The following SAMD12 variants were observed in gnomAD, a reference collection of about 807,000 sequenced individuals.
SAMD12 encodes sterile alpha motif domain containing 12.
SAMD12 carries 9 observed loss-of-function variants against 15.0 expected under a neutral mutation model. That is an observed-to-expected ratio of 0.60 (90% CI 0.36 to 1.05). SAMD12 has a LOEUF of 1.05. Ranked by LOEUF, SAMD12 falls within the 50% of genes least tolerant of loss-of-function variation. The pLI is 0.01. For missense variants in SAMD12, 230 were observed against 234.2 expected, an observed-to-expected ratio of 0.98 and a Z score of 0.12; for synonymous variants, 86 against 90.1, an observed-to-expected ratio of 0.96 and a Z score of 0.25.
At chr8:118,441,278 T>C (rs1822754309) in intron 2 of SAMD12, among the ~76,000 whole-genome samples, 1 of 152,240 alleles carries the variant, frequency 6.6e-6, no homozygotes, top group Admixed American at 6.5e-5. Flanking sequence ...TTTTATTTTC[T>C]GTGGCAATAT....
At chr8:118,466,237 C>A (rs984918700) in intron 2 of SAMD12, among the ~76,000 whole-genome samples, 11 of 152,160 alleles carry the variant, frequency 7.2e-5, no homozygotes, top group Admixed American at 6.5e-4. Context: ...TTGAACCAGG[C>A]CAGTCAGCTG....
chr8:118,277,035 G>A (rs778662391), intron 4 of SAMD12, among the ~76,000 whole-genome samples: 1 of 151,854 alleles, frequency 6.6e-6, no homozygotes, highest in African/African-American at 2.4e-5. Context: ...TTTTCCACAA[G>A]CTTAGGAATT....
intron 4 of SAMD12, among the ~76,000 whole-genome samples, chr8:118,246,538 T>G (rs543177211): frequency 1.4e-4 from 22 of 152,264 alleles, no homozygotes; most frequent in African/African-American, 4.6e-4. Flanking sequence ...TAAATCAAAC[T>G]GTACTTTAAA....
At chr8:118,573,794 CAT>C (rs778930328) in intron 2 of SAMD12, among the ~76,000 whole-genome samples, 7 of 152,202 alleles carry the variant, frequency 4.6e-5, no homozygotes, top group African/African-American at 1.7e-4. Flanking sequence ...AGGCAAGAGA[CAT>C]AAACCCAGAG....
At chr8:118,615,126 C>T (rs1052432932) in intron 1 of SAMD12, among the ~76,000 whole-genome samples, 1 of 152,242 alleles carries the variant, frequency 6.6e-6, no homozygotes, top group Middle Eastern at 3.4e-3. Flanking sequence ...GCTAAACTAC[C>T]ACATCCCTGG....
intron 2 of SAMD12, among the ~76,000 whole-genome samples, chr8:118,525,770 G>A (rs917938967): frequency 2.0e-5 from 3 of 152,100 alleles, no homozygotes; most frequent in Non-Finnish European, 2.9e-5. Flanking sequence ...AACCTCTTCT[G>A]TACTCCTAAA....
chr8:118,450,550 A>C lies in SAMD12; in HGVS notation c.193-10589T>G, dbSNP rs560221926. Among the ~76,000 whole-genome samples the C allele has an allele frequency of 2.6e-4, 40 of 152,350 alleles. No individual in the cohort carries two copies. In the South Asian group the frequency reaches 8.1e-3, roughly 31 times the overall value. On this transcript the variant is annotated intron_variant, in intron 2 of 3. Transcript: ENST00000314727. The stretch of plus-strand genomic sequence containing the variant: ...AATGTTCGATGAATGAAAGCATGAC[A>C]AAAGCAAAGATGAAAACAAAAACGA...
At chr8:118,431,022 T>A (rs1822387300) in intron 3 of SAMD12, among the ~76,000 whole-genome samples, 1 of 152,194 alleles carries the variant, frequency 6.6e-6, no homozygotes, top group Non-Finnish European at 1.5e-5. Flanking sequence ...TTTTATCTTC[T>A]CAACACATTA....
intron 2 of SAMD12, among the ~76,000 whole-genome samples, chr8:118,478,529 A>T (rs1225984514): frequency 6.6e-6 from 1 of 152,246 alleles, no homozygotes; most frequent in Admixed American, 6.5e-5. Context: ...AGCACATTAG[A>T]TATAGTAAAT....
intron 2 of SAMD12, among the ~76,000 whole-genome samples, chr8:118,457,302 C>T (rs1455356167): frequency 1.3e-5 from 2 of 151,126 alleles, no homozygotes; most frequent in Non-Finnish European, 2.9e-5. Flanking sequence ...ATGATCATCG[C>T]TCACTGCAGC....
chr8:118,487,139 G>C (rs1824313416), intron 2 of SAMD12, among the ~76,000 whole-genome samples: 1 of 152,150 alleles, frequency 6.6e-6, no homozygotes, highest in Non-Finnish European at 1.5e-5. Context: ...TGTTCATAAA[G>C]GACCTAGGGC....
At chr8:118,234,335 A>G (rs1812381411) in intron 4 of SAMD12, among the ~76,000 whole-genome samples, 1 of 152,138 alleles carries the variant, frequency 6.6e-6, no homozygotes, top group Middle Eastern at 3.2e-3. Flanking sequence ...AATATTTATC[A>G]TCATCTGAAA....
intron 4 of SAMD12, among the ~76,000 whole-genome samples, chr8:118,204,279 T>C (rs932976845): frequency 1.3e-5 from 2 of 152,098 alleles, no homozygotes; most frequent in African/African-American, 4.8e-5. Context: ...GCCATAAAGC[T>C]AAACTTTGCT....
Position 118,271,486 on chromosome 8 carries a change from C to T in SAMD12, c.434-73754G>A, listed in dbSNP as rs142194743. On this transcript the variant is annotated intron_variant, in intron 4 of 4. Transcript: ENST00000409003. ...GCCCCTCCCAAATCTCATGTCCTCA[C>T]ATTTGAAAATAGAAACATATCCTTT... Among the ~76,000 whole-genome samples, 580 of 152,238 alleles carry T rather than the reference C, an allele frequency of 3.8e-3. 5 individuals are homozygous for T. The highest frequency in any genetic ancestry group is 0.013 in the African/African-American group (555 of 41,534).
the SAMD12 span, among the ~76,000 whole-genome samples, chr8:118,135,959 C>A: frequency 1.3e-5 from 2 of 152,180 alleles, no homozygotes; most frequent in African/African-American, 4.8e-5. Flanking sequence ...CTTCCCACTC[C>A]CCCGCTTTGT....
chr8:118,516,611 T>C (rs1825251281), intron 2 of SAMD12, among the ~76,000 whole-genome samples: 1 of 151,548 alleles, frequency 6.6e-6, no homozygotes, highest in Non-Finnish European at 1.5e-5. Context: ...TGTGACTCTT[T>C]GCTGTTGTTT....
At chr8:118,163,880 AAACAAAAC>A in the SAMD12 span, among the ~76,000 whole-genome samples, 1 of 5,522 alleles carries the variant, frequency 1.8e-4, no homozygotes, top group Non-Finnish European at 3.2e-3. Flanking sequence ...GTCTCAAACA[AAACAAAAC>A]AAAACAAAAC....
At chr8:118,247,305 G>T (rs1812719437) in intron 4 of SAMD12, among the ~76,000 whole-genome samples, 1 of 152,102 alleles carries the variant, frequency 6.6e-6, no homozygotes, top group Non-Finnish European at 1.5e-5. Flanking sequence ...AAAAGATACA[G>T]AGTTTCAGTT....
chr8:118,284,124 C>A, intron 4 of SAMD12: 1 of 359,908 alleles, frequency 2.8e-6, no homozygotes, highest in Non-Finnish European at 5.5e-6. Context: ...TTAAATAATG[C>A]CCTTCCATGT....
Sources: allele counts gnomAD v4.1 joint callset (sites outside exome capture counted in the v4.1 genomes callset), GRCh38; gene constraint gnomAD v4.1.1; transcripts MANE v1.5; gene names NCBI Gene and HGNC (gene_info 2026-07-23, HGNC 2026-07-21).